The following SLC25A46 variants were observed in gnomAD, a reference collection of about 807,000 sequenced individuals.
The protein encoded by SLC25A46 is solute carrier family 25 member 46.
Under a neutral mutation model 44.6 loss-of-function variants are expected in SLC25A46, and 39 were observed. The observed-to-expected ratio is 0.87, with a 90% confidence interval of 0.68 to 1.14. The LOEUF is 1.14. SLC25A46 is among the 50% of genes most tolerant of loss of function. The pLI is 0.00. For synonymous variants in SLC25A46, 202 were observed against 185.8 expected (o/e 1.09, Z -0.71); for missense variants, 547 against 522.7 (o/e 1.05, Z -0.45).
intron 5 of SLC25A46, among the ~76,000 whole-genome samples, chr5:110,751,469 G>A (rs1799967527): frequency 6.6e-6 from 1 of 152,144 alleles, no homozygotes; most frequent in African/African-American, 2.4e-5. Flanking sequence ...GTAACTGAGA[G>A]AAGCCTCACA....
In SLC25A46 at chr5:110,739,035, G is replaced by C; in HGVS notation, c.-85G>C. 6.7e-6 allele frequency: 10 copies of C among 1,488,412 alleles called. No individual in the cohort carries two copies. The highest frequency in any genetic ancestry group is 8.9e-6 in the Non-Finnish European group (10 of 1,128,140). 92.2% of individuals were successfully genotyped at this position (1,488,412 alleles called of 1,614,324 possible). ...ATTTACCCCTGACGCGGCGGCGGCC[G>C]ACGGGAAGCTGTGTGTGCTTAGGTC... is the stretch of plus-strand genomic sequence containing the variant. On this transcript the variant is annotated 5_prime_UTR_variant, in exon 1 of 8. Transcript: ENST00000355943.
rs1431197350 is a variant in SLC25A46, at chr5:110,739,269, C to T, written c.150C>T (p.Pro50=). Residue 50 remains proline (P), a synonymous_variant, in exon 1 of 8, where the codon CCC becomes CCT. Transcript: ENST00000355943. ...GHWVTTPPDI[P]GSRNLHWGEK... is the part of the protein sequence containing the mutation. ...GGGTGACGACTCCCCCAGATATCCC[C>T]GGCAGCCGCAACCTGCACTGGGGCG... The T allele has an allele frequency of 1.3e-6, 2 of 1,579,642 alleles. No homozygotes were observed. The highest frequency in any genetic ancestry group is 2.7e-5 in the African/African-American group (2 of 74,456).
intron 1 of SLC25A46, 124 bp downstream of exon 1, chr5:110,739,526 C>A: frequency 7.5e-7 from 1 of 1,326,516 alleles, no homozygotes; most frequent in Non-Finnish European, 1.0e-6. Context: ...TCGCGCGCCA[C>A]ACCCTTTGCC....
At chr5:110,759,023 C>T (rs1800181420) in intron 7 of SLC25A46, among the ~76,000 whole-genome samples, 1 of 152,072 alleles carries the variant, frequency 6.6e-6, no homozygotes, top group Non-Finnish European at 1.5e-5. Context: ...AACTGCTAAA[C>T]TTTTAAAAAA....
chr5:110,748,364 A>T (rs1317078579), intron 5 of SLC25A46, 101 bp downstream of exon 5: 2 of 884,536 alleles, frequency 2.3e-6, no homozygotes, highest in African/African-American at 3.3e-5. Context: ...ATATTGTGTG[A>T]TGCTAAAGTT....
chr5:110,758,943 ACTT>A (rs1800180017), intron 7 of SLC25A46, among the ~76,000 whole-genome samples: 1 of 152,170 alleles, frequency 6.6e-6, no homozygotes, highest in South Asian at 2.1e-4. Context: ...TCAACTTCAG[ACTT>A]CTTATTATAG....
Position 110,761,226 on chromosome 5 carries a change from C to G in SLC25A46, c.701C>G (p.Thr234Ser). 1 of 1,602,742 alleles carries G rather than the reference C, an allele frequency of 6.2e-7. No homozygotes were observed. Among genetic ancestry groups the G allele is most frequent in the Non-Finnish European group, 8.5e-7 (1 of 1,176,058 alleles). ...CAGAGTGAGATAATTCGAGATAATA[C>G]TGGCATTTTGGAGTGTGTTAAAGAA... The part of the protein sequence containing the change: ...TVQSEIIRDN[T>S]GILECVKEGI... Residue 234 changes from threonine to serine, a missense_variant, in exon 8 of 8, where the codon ACT becomes AGT. Coordinates refer to ENST00000355943, the MANE Select transcript of SLC25A46 (RefSeq NM_138773.4). The surrounding 1 kb of genome is among the most constrained non-coding windows in gnomAD (Gnocchi z 5.3).
chr5:110,738,834 T>C (rs138263274), upstream of SLC25A46: 86 of 598,818 alleles, frequency 1.4e-4, no homozygotes, highest in African/African-American at 1.5e-3. Flanking sequence ...TTTGGTACTG[T>C]GTTTCATTAA....
intron 7 of SLC25A46, among the ~76,000 whole-genome samples, chr5:110,759,617 A>T (rs1800197926): frequency 6.6e-6 from 1 of 152,048 alleles, no homozygotes; most frequent in Admixed American, 6.6e-5. Context: ...GGGGGAATAC[A>T]GGAGATGAGG....
chr5:110,747,178 T>C (rs946356310), intron 4 of SLC25A46, among the ~76,000 whole-genome samples: 1 of 152,182 alleles, frequency 6.6e-6, no homozygotes, highest in Non-Finnish European at 1.5e-5. Context: ...GGATGTCCTA[T>C]GACATTGCAT....
chr5:110,761,642 A>G lies in SLC25A46; in HGVS notation c.1117A>G (p.Ile373Val), dbSNP rs1800254289. Reference sequence around the variant, plus strand: ...ACAATATGAGGGAATGAGAGACTGTATCAATACCATAAGGCAGGAGGAAGG... The same window carrying G: ...ACAATATGAGGGAATGAGAGACTGTGTCAATACCATAAGGCAGGAGGAAGG... ...NTQYEGMRDC[I>V]NTIRQEEGVF... Residue 373 changes from isoleucine to valine, a missense_variant, in exon 8 of 8, where the codon ATC (isoleucine) becomes GTC (valine). By Grantham distance (29) the Ile-to-Val change is conservative. Transcript: ENST00000355943. This position sits in a 1 kb window ranked among gnomAD's most constrained non-coding sequence, Gnocchi z 5.3. 1 of 1,613,720 alleles carries G rather than the reference A, an allele frequency of 6.2e-7. No individual in the cohort carries two copies. The highest frequency in any genetic ancestry group is 8.5e-7 in the Non-Finnish European group (1 of 1,179,742).
At chr5:110,756,333 T>C (rs1800111654) in intron 6 of SLC25A46, among the ~76,000 whole-genome samples, 1 of 151,996 alleles carries the variant, frequency 6.6e-6, no homozygotes, top group South Asian at 2.1e-4. Flanking sequence ...TATAAGAGGA[T>C]AGTAACAGAA....
chr5:110,761,880 G>C lies in SLC25A46; in HGVS notation c.*98G>C, dbSNP rs1227631575. ...AAGTGAAATACTGGGGAAGAAAATG[G>C]ATTGGAAAGTAAAATTGGTACTAAA... On this transcript the variant is annotated 3_prime_UTR_variant, in exon 8 of 8. Transcript: ENST00000355943. This position sits in a 1 kb window ranked among gnomAD's most constrained non-coding sequence, Gnocchi z 5.3. 5 of 1,030,748 alleles carry C rather than the reference G, an allele frequency of 4.9e-6. No individual in the cohort carries two copies. The highest frequency in any genetic ancestry group is 5.6e-5 in the Admixed American group (2 of 35,810). The allele number at this position is 1,030,748 out of a possible 1,614,324, so 63.9% of individuals were successfully genotyped here.
intron 4 of SLC25A46, among the ~76,000 whole-genome samples, chr5:110,747,572 T>C (rs1299269135): frequency 2.0e-5 from 3 of 152,094 alleles, no homozygotes; most frequent in Non-Finnish European, 4.4e-5. Context: ...GGAGTATTAC[T>C]GATGGTATCA....
At chr5:110,738,536 A>C (rs928440076), upstream of SLC25A46, among the ~76,000 whole-genome samples, 3 of 152,088 alleles carry the variant, frequency 2.0e-5, no homozygotes, top group African/African-American at 2.4e-5. Context: ...GGGCGGTACC[A>C]TATCTCTCAA....
intron 3 of SLC25A46, 190 bp from the exon 4 acceptor site, chr5:110,746,079 T>A (rs1799810727): frequency 9.5e-6 from 5 of 528,810 alleles, no homozygotes; most frequent in Non-Finnish European, 1.3e-5. Context: ...TGTATTTATA[T>A]AACCATACAT....
In SLC25A46 at chr5:110,739,053, C is replaced by G. The variant is rs1799517754; in HGVS notation, c.-67C>G. On this transcript the variant is annotated 5_prime_UTR_variant, in exon 1 of 8. Transcript: ENST00000355943. ...GGCGGCCGACGGGAAGCTGTGTGTG[C>G]TTAGGTCGTGGTGGCCCCGGTGGTG... The G allele has an allele frequency of 1.3e-6, 2 of 1,519,172 alleles. No homozygotes were observed. The highest frequency in any genetic ancestry group is 2.4e-5 in the South Asian group (2 of 82,628). 94.1% of individuals were successfully genotyped at this position (1,519,172 alleles called of 1,614,324 possible).
At chr5:110,746,409 T>C in intron 4 of SLC25A46, 63 bp downstream of exon 4, 1 of 1,114,494 alleles carries the variant, frequency 9.0e-7, no homozygotes. Flanking sequence ...TTAGTAATCA[T>C]TAAAGCAAGA....
intron 7 of SLC25A46, among the ~76,000 whole-genome samples, chr5:110,759,069 C>T (rs1266538752): frequency 6.6e-6 from 1 of 152,110 alleles, no homozygotes; most frequent in Non-Finnish European, 1.5e-5. Flanking sequence ...TTGCCTATAT[C>T]AGGTACTGTT....
Sources: gnomAD v4.1 joint callset for allele counts (sites outside exome capture counted in the v4.1 genomes callset) on GRCh38, gnomAD v4.1.1 for gene constraint, Gnocchi (gnomAD v3.1) non-coding constraint, MANE v1.5 for transcripts, NCBI Gene and HGNC (gene_info 2026-07-23, HGNC 2026-07-21) for gene names.